The following NPAS3 variants were observed in gnomAD, a reference collection of about 807,000 sequenced individuals.
NPAS3 encodes the protein neuronal PAS domain-containing protein 3.
In NPAS3, 14 loss-of-function variants were observed where a neutral mutation model predicts 73.1. The observed-to-expected ratio is 0.19, with a 90% CI of 0.13 to 0.30. The LOEUF (loss-of-function observed/expected upper bound fraction) is 0.30, where lower values mean the gene tolerates loss of function less well. Ranked by LOEUF, NPAS3 falls within the 10% of genes least tolerant of loss-of-function variation. The pLI, the probability that NPAS3 is intolerant of heterozygous loss-of-function variation, is 1.00. For missense variants in NPAS3, 1,096 were observed against 1,250.0 expected, an observed-to-expected ratio of 0.88 and a Z score of 1.86; for synonymous variants, 620 against 541.5, an observed-to-expected ratio of 1.14 and a Z score of -2.01.
intron 5 of NPAS3, among the ~76,000 whole-genome samples, chr14:33,591,743 A>C (rs1284057993): frequency 6.6e-6 from 1 of 152,182 alleles, no homozygotes; most frequent in Non-Finnish European, 1.5e-5. Flanking sequence ...AGCACAGTCA[A>C]ATCTCTTGAT....
intron 3 of NPAS3, among the ~76,000 whole-genome samples, chr14:33,244,701 C>G (rs2048321180): frequency 6.6e-6 from 1 of 152,120 alleles, no homozygotes; most frequent in Non-Finnish European, 1.5e-5. Context: ...GACCGGTTCT[C>G]TACTCTTTCT....
intron 6 of NPAS3, among the ~76,000 whole-genome samples, chr14:33,677,881 GCGAGATAACTGGAACTGTT>G: frequency 6.6e-6 from 1 of 152,326 alleles, no homozygotes; most frequent in Middle Eastern, 3.4e-3. Context: ...AGCTATGTCA[GCGAGATAACTGGAACTGTT>G]TTTTAGTCAA....
intron 4 of NPAS3, among the ~76,000 whole-genome samples, chr14:33,551,596 G>C (rs1366366527): frequency 6.6e-6 from 1 of 152,176 alleles, no homozygotes; most frequent in Admixed American, 6.5e-5. Context: ...TACTACCAGA[G>C]AAGGGGGAAA....
chr14:32,975,991 A>G (rs1335218948), intron 1 of NPAS3, among the ~76,000 whole-genome samples: 1 of 151,928 alleles, frequency 6.6e-6, no homozygotes, highest in Non-Finnish European at 1.5e-5. Context: ...GACCACAACT[A>G]TGACAGAGCA....
chr14:33,680,452 T>C, intron 6 of NPAS3: 1 of 615,002 alleles, frequency 1.6e-6, no homozygotes, highest in Non-Finnish European at 2.9e-6. Flanking sequence ...AGATTTAGTT[T>C]CTGTTCCTGT....
intron 6 of NPAS3, among the ~76,000 whole-genome samples, chr14:33,703,281 T>A (rs1448339113): frequency 6.6e-6 from 1 of 152,098 alleles, no homozygotes; most frequent in African/African-American, 2.4e-5. Flanking sequence ...GGCCAGGAGT[T>A]TAAGACTAGC....
chr14:33,148,284 T>C (rs2139223381), intron 2 of NPAS3, among the ~76,000 whole-genome samples: 1 of 152,334 alleles, frequency 6.6e-6, no homozygotes, highest in South Asian at 2.1e-4. Flanking sequence ...AGAAATGTAC[T>C]AAATTAACCC....
At chr14:33,271,449 T>TG (rs35488575) in intron 3 of NPAS3, among the ~76,000 whole-genome samples, 5 of 152,120 alleles carry the variant, frequency 3.3e-5, no homozygotes, top group Non-Finnish European at 7.3e-5. Flanking sequence ...GGCTAGCTGT[T>TG]GGGGAGAAGG....
chr14:33,469,358 G>T (rs2050679034), intron 4 of NPAS3, among the ~76,000 whole-genome samples: 1 of 151,630 alleles, frequency 6.6e-6, no homozygotes, highest in African/African-American at 2.4e-5. Flanking sequence ...TCATAGAGTG[G>T]TTTATAAATA....
At position 33,172,022 on chromosome 14, in the gene NPAS3, A is replaced by G. The variant is rs77198567; in HGVS notation, c.141-43160A>G. On this transcript the variant is annotated intron_variant, in intron 2 of 11. Transcript: ENST00000356141. ...AGCCAGTCAGTGGAGCAGTCAGAAC[A>G]CACACAATTATTAAGTGTGCCATCG... Among the ~76,000 whole-genome samples, 142 of 152,302 alleles carry G rather than the reference A, an allele frequency of 9.3e-4. No homozygotes were observed. In the East Asian group the frequency reaches 0.025, roughly 27 times the overall value.
intron 1 of NPAS3, among the ~76,000 whole-genome samples, chr14:32,963,540 T>C (rs1268035461): frequency 6.6e-6 from 1 of 152,116 alleles, no homozygotes; most frequent in African/African-American, 2.4e-5. Flanking sequence ...GGAGGGTAGA[T>C]CGCAATCCCT....
chr14:33,564,194 T>A, intron 5 of NPAS3, among the ~76,000 whole-genome samples: 1 of 152,258 alleles, frequency 6.6e-6, no homozygotes, highest in Non-Finnish European at 1.5e-5. Flanking sequence ...CCATTTATTA[T>A]AAATGGTCTT....
chr14:33,035,051 T>TTA (rs1282224770), intron 1 of NPAS3, among the ~76,000 whole-genome samples: 1 of 152,230 alleles, frequency 6.6e-6, no homozygotes, highest in African/African-American at 2.4e-5. Context: ...TTTCTTTCAC[T>TTA]TAATGACTGA....
chr14:33,703,706 G>A (rs997741309), intron 6 of NPAS3, among the ~76,000 whole-genome samples: 1 of 152,026 alleles, frequency 6.6e-6, no homozygotes, highest in African/African-American at 2.4e-5. Flanking sequence ...GCAACAAATA[G>A]GGAGAACTTC....
At chr14:33,662,923 C>T (rs79315323) in intron 5 of NPAS3, among the ~76,000 whole-genome samples, 9,432 of 141,380 alleles carry the variant, frequency 0.067, 440 homozygotes, top group South Asian at 0.18. Context: ...TGCGGTGGCA[C>T]GATCTCAGCT....
chr14:33,795,494 G>A (rs1284544258), intron 10 of NPAS3, among the ~76,000 whole-genome samples: 1 of 152,166 alleles, frequency 6.6e-6, no homozygotes, highest in African/African-American at 2.4e-5. Flanking sequence ...AATGGAATAA[G>A]GTCTTGTGGC....
At chr14:32,966,777 A>T (rs2037185878) in intron 1 of NPAS3, among the ~76,000 whole-genome samples, 1 of 92,086 alleles carries the variant, frequency 1.1e-5, no homozygotes. Flanking sequence ...ACTCCGTCTC[A>T]AAAAAAAAAA....
intron 4 of NPAS3, among the ~76,000 whole-genome samples, chr14:33,476,581 T>C (rs554782994): frequency 6.6e-6 from 1 of 152,334 alleles, no homozygotes; most frequent in South Asian, 2.1e-4. Context: ...TATTCCCCAA[T>C]TTAAACATTT....
intron 1 of NPAS3, among the ~76,000 whole-genome samples, chr14:33,005,281 T>TA (rs1276483336): frequency 1.3e-5 from 2 of 152,144 alleles, no homozygotes; most frequent in African/African-American, 4.8e-5. Context: ...ACAATGTCAG[T>TA]AGGTGATAGG....
Sources: gnomAD v4.1 joint callset for allele counts (sites outside exome capture counted in the v4.1 genomes callset) on GRCh38, gnomAD v4.1.1 for gene constraint, MANE v1.5 for transcripts, NCBI Gene and HGNC (gene_info 2026-07-23, HGNC 2026-07-21) for gene names.